The following CHLSN variants were observed in gnomAD, a reference collection of about 807,000 sequenced individuals.
CHLSN encodes cholesin, also known as protein cholesin.
At chr7:1,073,314 C>T in the CHLSN span, among the ~76,000 whole-genome samples, 17 of 152,126 alleles carry the variant, frequency 1.1e-4, no homozygotes, top group African/African-American at 3.4e-4. Context: ...ACTGCCCTCC[C>T]TCCTCACCTC....
At chr7:984,244 C>T in the CHLSN span, among the ~76,000 whole-genome samples, 1 of 152,310 alleles carries the variant, frequency 6.6e-6, no homozygotes, top group Non-Finnish European at 1.5e-5. Context: ...CTGGGCGCTG[C>T]CCCCTCCACC....
the CHLSN span, among the ~76,000 whole-genome samples, chr7:1,077,015 G>A: frequency 6.6e-5 from 10 of 152,348 alleles, no homozygotes; most frequent in East Asian, 1.7e-3. Context: ...GCAGAGGGCC[G>A]AGACCCCCGG....
At chr7:1,118,227 T>C in the CHLSN span, among the ~76,000 whole-genome samples, 3 of 152,290 alleles carry the variant, frequency 2.0e-5, no homozygotes, top group African/African-American at 4.8e-5. Flanking sequence ...ACCTCTATCA[T>C]ACAACACTGG....
At chr7:1,080,448 C>G in the CHLSN span, among the ~76,000 whole-genome samples, 2 of 152,202 alleles carry the variant, frequency 1.3e-5, no homozygotes, top group Non-Finnish European at 2.9e-5. Flanking sequence ...GCTGCACACG[C>G]ACAGGTGCCA....
the CHLSN span, among the ~76,000 whole-genome samples, chr7:1,087,760 T>C: frequency 6.6e-6 from 1 of 152,358 alleles, no homozygotes; most frequent in South Asian, 2.1e-4. Context: ...TGCTACTAAG[T>C]TAATTATGAA....
the CHLSN span, among the ~76,000 whole-genome samples, chr7:1,112,279 T>C: frequency 6.6e-6 from 1 of 152,324 alleles, no homozygotes; most frequent in African/African-American, 2.4e-5. Flanking sequence ...CTCCAGTTTC[T>C]CAGCAGTTCT....
At chr7:1,063,621 G>A in the CHLSN span, among the ~76,000 whole-genome samples, 1 of 152,172 alleles carries the variant, frequency 6.6e-6, no homozygotes, top group African/African-American at 2.4e-5. Context: ...AGCCTCAGCC[G>A]CGCACGCTCA....
chr7:1,133,390 T>C, the CHLSN span, among the ~76,000 whole-genome samples: 1 of 83,802 alleles, frequency 1.2e-5, no homozygotes, highest in Non-Finnish European at 2.1e-5. Flanking sequence ...CTCGATATAC[T>C]GCAAAAAAAA....
chr7:1,093,678 A>G, the CHLSN span: 1 of 469,696 alleles, frequency 2.1e-6, no homozygotes, highest in African/African-American at 2.0e-5. Flanking sequence ...CCTGTGGCTG[A>G]CGAATTTGTT....
chr7:1,000,312 C>G, the CHLSN span, among the ~76,000 whole-genome samples: 1 of 147,984 alleles, frequency 6.8e-6, no homozygotes, highest in Non-Finnish European at 1.5e-5. Flanking sequence ...GACCTCAGCC[C>G]CCGGGAGACG....
chr7:1,137,416 T>A, the CHLSN span: 1 of 152,428 alleles, frequency 6.6e-6, no homozygotes, highest in East Asian at 1.9e-4. Flanking sequence ...TGTAGCCCAA[T>A]GCCCCGAACA....
the CHLSN span, among the ~76,000 whole-genome samples, chr7:1,130,928 C>G: frequency 1.3e-5 from 2 of 152,250 alleles, no homozygotes; most frequent in African/African-American, 2.4e-5. Flanking sequence ...TGGCTCACGC[C>G]TGTCATCCCA....
At chr7:1,078,530 T>C in the CHLSN span, among the ~76,000 whole-genome samples, 2 of 152,158 alleles carry the variant, frequency 1.3e-5, no homozygotes, top group East Asian at 1.9e-4. Context: ...TCCTGTGAGA[T>C]GCTCCTGCAC....
chr7:1,012,052 G>A, the CHLSN span, among the ~76,000 whole-genome samples: 6 of 152,302 alleles, frequency 3.9e-5, no homozygotes, highest in South Asian at 4.1e-4. Flanking sequence ...GCCCACAGCC[G>A]CCCACAGCCG....
At chr7:983,325 G>T in the CHLSN span, 1 of 1,539,422 alleles carries the variant, frequency 6.5e-7, no homozygotes, top group Non-Finnish European at 8.7e-7. Context: ...CTCGCCCGCT[G>T]CCGCTCGTCG....
At chr7:1,022,832 G>A in the CHLSN span, 6 of 326,084 alleles carry the variant, frequency 1.8e-5, no homozygotes, top group African/African-American at 2.2e-5. Flanking sequence ...TGTTGATACC[G>A]AATAAAACAC....
At chr7:1,046,221 G>A in the CHLSN span, among the ~76,000 whole-genome samples, 1,798 of 152,332 alleles carry the variant, frequency 0.012, 33 homozygotes, top group African/African-American at 0.037. Flanking sequence ...AGCTCTCACA[G>A]CCCCTAGGAT....
At chr7:1,117,726 C>T in the CHLSN span, among the ~76,000 whole-genome samples, 11 of 148,492 alleles carry the variant, frequency 7.4e-5, no homozygotes, top group Admixed American at 3.3e-4. Flanking sequence ...CCAACGCCCA[C>T]GCAGGATGAT....
At chr7:1,068,894 T>C in the CHLSN span, among the ~76,000 whole-genome samples, 60,796 of 151,954 alleles carry the variant, frequency 0.4, 12,495 homozygotes, top group Non-Finnish European at 0.44. Flanking sequence ...CAATAGGTGA[T>C]GTCCGGGAAG....
Sources: allele counts gnomAD v4.1 joint callset (sites outside exome capture counted in the v4.1 genomes callset), GRCh38; gene constraint gnomAD v4.1.1; transcripts MANE v1.5; gene names NCBI Gene and HGNC (gene_info 2026-07-23, HGNC 2026-07-21).